DENND10: variants seen among roughly 807,000 people sequenced by gnomAD.
DENND10 encodes DENN domain-containing protein 10.
A neutral mutation model predicts 43.6 loss-of-function variants in DENND10; 24 were observed. The observed-to-expected ratio is 0.55, with a 90% CI of 0.40 to 0.77. DENND10 has a LOEUF of 0.77. Ranked by LOEUF, DENND10 falls within the 30% of genes least tolerant of loss-of-function variation. The probability of loss-of-function intolerance (pLI) is 0.00; values close to 1 mark genes in which losing one functional copy is unlikely to be tolerated. For synonymous variants in DENND10, 125 were observed against 157.6 expected (o/e 0.79, Z 1.55); for missense variants, 303 against 429.9 (o/e 0.70, Z 2.61).
intron 3 of DENND10, 123 bp from the exon 4 acceptor site, chr10:119,117,396 T>G: frequency 4.0e-6 from 4 of 988,742 alleles, no homozygotes; most frequent in Non-Finnish European, 6.0e-6. Flanking sequence ...AGTGAAGCAT[T>G]CAGAAGGGCA....
intron 3 of DENND10, among the ~76,000 whole-genome samples, chr10:119,113,088 T>C (rs774488362): frequency 6.6e-6 from 1 of 151,804 alleles, no homozygotes; most frequent in Non-Finnish European, 1.5e-5. Flanking sequence ...TGACCTCAAG[T>C]GATCCGCCCG....
At chr10:119,107,946 A>G in intron 1 of DENND10, 22 bp from the exon 2 acceptor site, 1 of 1,610,876 alleles carries the variant, frequency 6.2e-7, no homozygotes, top group Non-Finnish European at 8.5e-7. Flanking sequence ...ACATTCTCAC[A>G]GTGACCATCT....
intron 3 of DENND10, chr10:119,114,595 A>T (rs963537923): frequency 2.0e-5 from 3 of 152,194 alleles, no homozygotes; most frequent in African/African-American, 7.2e-5. Flanking sequence ...CAGCCTATGG[A>T]TGTCTATCTG....
intron 8 of DENND10, among the ~76,000 whole-genome samples, chr10:119,135,720 G>A (rs1846298614): frequency 7.2e-6 from 1 of 139,054 alleles, no homozygotes; most frequent in Non-Finnish European, 1.5e-5. Flanking sequence ...GGAAATAGTG[G>A]TGATGGTTGT....
At chr10:119,107,904 A>G in intron 1 of DENND10, 64 bp from the exon 2 acceptor site, 1 of 1,451,802 alleles carries the variant, frequency 6.9e-7, no homozygotes. Context: ...GTTTCTGAGT[A>G]ACCAATCAAT....
At position 119,130,578 on chromosome 10, in the gene DENND10, G is replaced by A. The variant is rs146820467; in HGVS notation, c.802+956G>A. 2.5e-3 allele frequency among the ~76,000 whole-genome samples: 377 copies of A among 152,316 alleles called. 2 individuals are homozygous for A. The highest frequency in any genetic ancestry group is 8.8e-3 in the African/African-American group (365 of 41,566). On this transcript the variant is annotated intron_variant, in intron 7 of 8. Coordinates refer to ENST00000361432, the MANE Select transcript of DENND10 (RefSeq NM_207009.4). The stretch of plus-strand genomic sequence containing the variant: ...CTCTCAAAGTGCTGGGGTTACAGGC[G>A]TGAGCCATCATGTTCTAAAACAACA...
chr10:119,117,415 G>A, intron 3 of DENND10, 104 bp from the exon 4 acceptor site: 1 of 1,192,584 alleles, frequency 8.4e-7, no homozygotes, highest in Non-Finnish European at 1.2e-6. Flanking sequence ...CAGTAGCAAG[G>A]TGGCCTCGGA....
intron 2 of DENND10, among the ~76,000 whole-genome samples, chr10:119,110,588 C>T (rs199897625): frequency 6.6e-6 from 1 of 152,076 alleles, no homozygotes; most frequent in Non-Finnish European, 1.5e-5. Flanking sequence ...TCCCGAGTAG[C>T]TGGGATTATA....
At position 119,104,154 on chromosome 10, in the gene DENND10, C is replaced by G. The variant is rs759890089; in HGVS notation, c.12C>G (p.Ala4=). The G allele has an allele frequency of 7.9e-6, 12 of 1,516,436 alleles. No homozygotes were observed. The African/African-American group carries it at 1.3e-4, about 16-fold the overall frequency. The allele number at this position is 1,516,436 out of a possible 1,614,324, so 93.9% of individuals were successfully genotyped here. MAA[A]EVADTQLMLG... The stretch of plus-strand genomic sequence containing the variant: ...CGCGGCGGCGGAAGATGGCTGCGGC[C>G]GAGGTGGCGGACACTCAGCTGATGC... The change falls in exon 1 of 9, where the codon GCC becomes GCG. Residue 4 remains alanine, a synonymous_variant. Transcript: ENST00000361432.
chr10:119,135,791 T>TAAAAAAA (rs367836571), intron 8 of DENND10, among the ~76,000 whole-genome samples: 1,571 of 63,912 alleles, frequency 0.025, 46 homozygotes, highest in Admixed American at 0.03. Context: ...ACTAAAATTG[T>TAAAAAAA]AAAAAAAAAA....
At chr10:119,130,400 T>G (rs1404759291) in intron 7 of DENND10, among the ~76,000 whole-genome samples, 1 of 152,192 alleles carries the variant, frequency 6.6e-6, no homozygotes, top group African/African-American at 2.4e-5. Flanking sequence ...CTTCATGATC[T>G]GCCTGTCTTG....
intron 2 of DENND10, 71 bp downstream of exon 2, chr10:119,108,235 A>G (rs1844794769): frequency 4.5e-6 from 5 of 1,116,752 alleles, no homozygotes; most frequent in Non-Finnish European, 6.7e-6. Flanking sequence ...CTGTAATCCC[A>G]GCACTTTGGG....
chr10:119,134,031 AG>A (rs1240267480), intron 8 of DENND10: 1 of 152,200 alleles, frequency 6.6e-6, no homozygotes, highest in African/African-American at 2.4e-5. Context: ...CAAACAAGGA[AG>A]AAGACGTGAC....
chr10:119,117,147 G>C (rs145522412), intron 3 of DENND10, among the ~76,000 whole-genome samples: 1 of 151,810 alleles, frequency 6.6e-6, no homozygotes, highest in Non-Finnish European at 1.5e-5. Flanking sequence ...TGAGGTGGGC[G>C]GATTACCTGA....
Position 119,117,570 on chromosome 10 carries a change from A to G in DENND10, c.384A>G (p.Ala128=). The G allele has an allele frequency of 6.2e-7, 1 of 1,613,852 alleles. No individual in the cohort carries two copies. The highest frequency in any genetic ancestry group is 8.5e-7 in the Non-Finnish European group (1 of 1,179,804). Residue 128 remains alanine, a synonymous_variant, in exon 4 of 9, where the codon GCA becomes GCG. Transcript: ENST00000361432. Reference sequence around the variant, plus strand: ...TTAAAATGATGGAGAGTTATATTGCAGTTCTCACAAAGGGGATATGCCAGA... The same window carrying G: ...TTAAAATGATGGAGAGTTATATTGCGGTTCTCACAAAGGGGATATGCCAGA... ...SPVKMMESYI[A]VLTKGICQSE... is the part of the protein sequence containing the mutation.
intron 6 of DENND10, among the ~76,000 whole-genome samples, chr10:119,125,512 T>C (rs1845788729): frequency 7.2e-6 from 1 of 139,784 alleles, no homozygotes; most frequent in African/African-American, 2.6e-5. Flanking sequence ...TTTTTTTTTT[T>C]TTTTTTTTTT....
chr10:119,124,827 C>T (rs1471072845), intron 6 of DENND10, among the ~76,000 whole-genome samples: 1 of 151,682 alleles, frequency 6.6e-6, no homozygotes, highest in Non-Finnish European at 1.5e-5. Flanking sequence ...TTTGGGAGGC[C>T]GAGGTGGGGT....
At chr10:119,129,077 C>T (rs1463138697) in intron 6 of DENND10, among the ~76,000 whole-genome samples, 1 of 152,090 alleles carries the variant, frequency 6.6e-6, no homozygotes, top group Non-Finnish European at 1.5e-5. Flanking sequence ...GTTCTAACAC[C>T]AATCCCAGAG....
chr10:119,117,365 C>G (rs760371824), intron 3 of DENND10, among the ~76,000 whole-genome samples, 154 bp from the exon 4 acceptor site: 3 of 151,916 alleles, frequency 2.0e-5, no homozygotes, highest in Non-Finnish European at 2.9e-5. Flanking sequence ...GAGTGAGACT[C>G]TGTCTCAAAA....
Sources: allele counts gnomAD v4.1 joint callset (sites outside exome capture counted in the v4.1 genomes callset), GRCh38; gene constraint gnomAD v4.1.1; transcripts MANE v1.5; gene names NCBI Gene and HGNC (gene_info 2026-07-23, HGNC 2026-07-21).